Variants in TTC39C observed in about 807,000 individuals in gnomAD.
The protein encoded by TTC39C is tetratricopeptide repeat domain 39C.
In TTC39C, 33 loss-of-function variants were observed where a neutral mutation model predicts 76.3. That is an observed-to-expected ratio of 0.43 (90% CI 0.33 to 0.58). The LOEUF (loss-of-function observed/expected upper bound fraction) is 0.58, where lower values mean the gene tolerates loss of function less well. Among genes scored for constraint, TTC39C ranks in the 20% least tolerant of loss-of-function variants. TTC39C has a pLI of 0.04. For synonymous variants in TTC39C, 254 were observed against 260.6 expected (o/e 0.97, Z 0.24); for missense variants, 595 against 701.4 (o/e 0.85, Z 1.71).
chr18:24,104,324 C>T (rs916460194), intron 6 of TTC39C, among the ~76,000 whole-genome samples: 6 of 152,216 alleles, frequency 3.9e-5, no homozygotes, highest in African/African-American at 1.4e-4. Flanking sequence ...CTATGGCCAT[C>T]CCCACTCCAC....
intron 1 of TTC39C, among the ~76,000 whole-genome samples, chr18:24,048,272 G>A (rs2083909287): frequency 6.6e-6 from 1 of 152,210 alleles, no homozygotes; most frequent in East Asian, 1.9e-4. Flanking sequence ...CTTCCAAAAT[G>A]TGCTATGAAG....
intron 1 of TTC39C, among the ~76,000 whole-genome samples, chr18:24,026,214 C>A (rs1440723944): frequency 6.6e-6 from 1 of 152,248 alleles, no homozygotes; most frequent in Non-Finnish European, 1.5e-5. Flanking sequence ...CCTGTTCCCA[C>A]CCAACTCTTC....
At chr18:24,083,356 A>AGCATTATT (rs2084400535) in intron 6 of TTC39C, among the ~76,000 whole-genome samples, 2 of 152,196 alleles carry the variant, frequency 1.3e-5, no homozygotes, top group Non-Finnish European at 1.5e-5. Context: ...AAGGCACGTG[A>AGCATTATT]GCATTATTTA....
upstream of TTC39C, among the ~76,000 whole-genome samples, chr18:24,013,957 A>C (rs2083412763): frequency 1.3e-5 from 2 of 152,268 alleles, no homozygotes; most frequent in Admixed American, 6.5e-5. Context: ...TGAATTTATA[A>C]CTTTTAAATA....
rs139670158 is a variant in TTC39C at position 24,131,934 on chromosome 18, A to T, written c.1662+14A>T. On this transcript the variant is annotated intron_variant, in intron 13 of 13. Coordinates refer to ENST00000317571, the MANE Select transcript of TTC39C (RefSeq NM_001135993.2). ...CTTCAAGCAAAGGTAAATATCCTGAATCTACCTTTCTCCAGTGGCCCTTCT... is the reference window on the plus strand; with the variant it reads ...CTTCAAGCAAAGGTAAATATCCTGATTCTACCTTTCTCCAGTGGCCCTTCT... 6 of 1,612,538 alleles carry T rather than the reference A, an allele frequency of 3.7e-6. No homozygotes were observed. The highest frequency in any genetic ancestry group is 5.1e-6 in the Non-Finnish European group (6 of 1,179,284).
chr18:24,108,135 G>A (rs1233267349), intron 6 of TTC39C, among the ~76,000 whole-genome samples: 1 of 152,214 alleles, frequency 6.6e-6, no homozygotes, highest in Non-Finnish European at 1.5e-5. Flanking sequence ...ATTGTGTTCT[G>A]TGATTTGTCC....
chr18:24,020,088 C>A (rs2083501140), intron 1 of TTC39C: 1 of 1,309,526 alleles, frequency 7.6e-7, no homozygotes, highest in Non-Finnish European at 9.7e-7. Context: ...ATAGGAGAGT[C>A]CACAGATGCA....
rs201467118 is a variant in TTC39C, at chr18:24,123,840, A to G, written c.1193A>G (p.Gln398Arg). The G allele has an allele frequency of 2.6e-5, 42 of 1,607,894 alleles. No individual in the cohort carries two copies. In the East Asian group the frequency reaches 8.0e-4, roughly 31 times the overall value. ...TAATTATGGTTTCTTACAGTTTGTC[A>G]GGGAGCCACTGGTGATGTGGATGGG... ...CYYAYLTAVC[Q>R]GATGDVDGAQ... The change falls in exon 9 of 14, where the codon CAG becomes CGG. Residue 398 changes from glutamine (Q) to arginine (R), a missense_variant. Gln to Arg is a conservative substitution (Grantham distance 43). Transcript: ENST00000317571.
chr18:24,020,340 G>A (rs1391313323), intron 1 of TTC39C: 1 of 985,130 alleles, frequency 1.0e-6, no homozygotes, highest in African/African-American at 1.7e-5. Flanking sequence ...TAATAGGAGA[G>A]TTTGGAGGAA....
Position 24,129,593 on chromosome 18 carries a change from G to T in TTC39C, c.1518+610G>T, listed in dbSNP as rs945540826. Reference sequence around the variant, plus strand: ...GTTTGAGACCAGCCGGGCCAACATGGTGGAACCCCGTCTCTACTGAAAATA... The same window carrying T: ...GTTTGAGACCAGCCGGGCCAACATGTTGGAACCCCGTCTCTACTGAAAATA... On this transcript the variant is annotated intron_variant, in intron 11 of 13. Coordinates refer to ENST00000317571, the MANE Select transcript of TTC39C (RefSeq NM_001135993.2). 3.9e-5 allele frequency among the ~76,000 whole-genome samples: 6 copies of T among 152,018 alleles called. No homozygotes were observed. The South Asian group carries it at 1.3e-3, about 32-fold the overall frequency.
chr18:24,033,023 C>T (rs866769015), intron 1 of TTC39C, among the ~76,000 whole-genome samples: 6 of 152,164 alleles, frequency 3.9e-5, no homozygotes, highest in African/African-American at 1.4e-4. Flanking sequence ...AAGGTGAAGT[C>T]GAGTGGATCA....
intron 1 of TTC39C, among the ~76,000 whole-genome samples, chr18:24,021,885 T>C (rs1846686261): frequency 6.6e-6 from 1 of 152,224 alleles, no homozygotes; most frequent in African/African-American, 2.4e-5. Flanking sequence ...AAGTCTGTGT[T>C]CACAGAGTTT....
intron 10 of TTC39C, 107 bp from the exon 11 acceptor site, chr18:24,128,779 C>T: frequency 1.2e-6 from 1 of 844,542 alleles, no homozygotes; most frequent in Middle Eastern, 2.4e-4. Context: ...AGGTTCATAT[C>T]AGGAGGCAGA....
chr18:24,107,570 CCTT>C (rs778389715), intron 6 of TTC39C, among the ~76,000 whole-genome samples: 3 of 152,162 alleles, frequency 2.0e-5, no homozygotes, highest in Non-Finnish European at 2.9e-5. Flanking sequence ...CTTCTCCCCT[CCTT>C]TGCTCTGCAC....
chr18:24,062,732 A>G (rs2084115538), intron 1 of TTC39C, among the ~76,000 whole-genome samples: 1 of 152,214 alleles, frequency 6.6e-6, no homozygotes, highest in Non-Finnish European at 1.5e-5. Flanking sequence ...ACAGAAGGTT[A>G]ATGTAAAATA....
intron 4 of TTC39C, among the ~76,000 whole-genome samples, chr18:24,078,614 G>A (rs1180064183): frequency 6.6e-6 from 1 of 152,192 alleles, no homozygotes; most frequent in Non-Finnish European, 1.5e-5. Flanking sequence ...GCTCTGCAGG[G>A]AGTCACACAG....
chr18:24,014,079 C>T (rs1319066581), upstream of TTC39C, among the ~76,000 whole-genome samples: 1 of 152,256 alleles, frequency 6.6e-6, no homozygotes, highest in Non-Finnish European at 1.5e-5. Context: ...CCTTGCAGTC[C>T]CGCAGCGCGG....
intron 1 of TTC39C, among the ~76,000 whole-genome samples, chr18:23,995,421 G>T (rs1241411193): frequency 6.6e-6 from 1 of 151,712 alleles, no homozygotes; most frequent in African/African-American, 2.4e-5. Flanking sequence ...AGTGAGCCAA[G>T]ACTGCACCAC....
intron 6 of TTC39C, among the ~76,000 whole-genome samples, chr18:24,089,578 A>G (rs1464793787): frequency 6.6e-6 from 1 of 152,180 alleles, no homozygotes; most frequent in Non-Finnish European, 1.5e-5. Context: ...GTTTACCGAA[A>G]TGAGAAGATG....
Sources: allele counts gnomAD v4.1 joint callset (sites outside exome capture counted in the v4.1 genomes callset), GRCh38; gene constraint gnomAD v4.1.1; transcripts MANE v1.5; gene names NCBI Gene and HGNC (gene_info 2026-07-23, HGNC 2026-07-21).